The following ANGPT2 variants were observed in gnomAD, a reference collection of about 807,000 sequenced individuals.
ANGPT2 encodes angiopoietin 2.
In ANGPT2, 28 loss-of-function variants were observed where a neutral mutation model predicts 62.9. That is an observed-to-expected ratio of 0.44 (90% CI 0.33 to 0.61). ANGPT2 has a LOEUF of 0.61. Ranked by LOEUF, ANGPT2 falls within the 20% of genes least tolerant of loss-of-function variation. The pLI, the probability that ANGPT2 is intolerant of heterozygous loss-of-function variation, is 0.03. For missense variants in ANGPT2, 727 were observed against 594.9 expected (o/e 1.22, Z -2.31); for synonymous variants, 284 against 207.8 (o/e 1.37, Z -3.15).
chr8:6,552,688 T>C (rs1823864400), intron 1 of ANGPT2, among the ~76,000 whole-genome samples: 1 of 152,196 alleles, frequency 6.6e-6, no homozygotes, highest in African/African-American at 2.4e-5. Flanking sequence ...TTGAAACACA[T>C]AATAACCCTA....
At chr8:6,515,700 A>C (rs1241329672) in intron 5 of ANGPT2, among the ~76,000 whole-genome samples, 3 of 152,208 alleles carry the variant, frequency 2.0e-5, no homozygotes, top group African/African-American at 7.2e-5. Flanking sequence ...AAGTAAGATA[A>C]ATTTTCTGCC....
rs943970289 is a variant in ANGPT2, at chr8:6,532,594, C to T, written c.289-107G>A. 2.4e-5 allele frequency: 17 copies of T among 703,484 alleles called. No individual in the cohort carries two copies. In the African/African-American group the frequency reaches 3.1e-4, roughly 13 times the overall value. The allele number at this position is 703,484 out of a possible 1,614,324, so 43.6% of individuals were successfully genotyped here. ...ATCTTTAAAAAAAAAAAAAAAAAAT[C>T]TATCAAAAGACTTGTACCTTGCCTT... On this transcript the variant is annotated intron_variant, in intron 1 of 8. Coordinates refer to ENST00000629816, the MANE Select transcript of ANGPT2 (RefSeq NM_001118887.2).
chr8:6,543,309 TG>T (rs1166207757), intron 1 of ANGPT2, among the ~76,000 whole-genome samples: 1 of 152,198 alleles, frequency 6.6e-6, no homozygotes, highest in East Asian at 1.9e-4. Context: ...TCCGCAAATG[TG>T]TTTGTACAGT....
intron 1 of ANGPT2, 48 bp downstream of exon 1, chr8:6,562,599 G>GCT: frequency 1.7e-6 from 1 of 575,224 alleles, no homozygotes; most frequent in Non-Finnish European, 2.4e-6. Context: ...CTGCTGCCAA[G>GCT]CTGATCTTAA....
intron 1 of ANGPT2, among the ~76,000 whole-genome samples, chr8:6,541,932 C>G (rs1344994777): frequency 6.7e-6 from 1 of 150,304 alleles, no homozygotes; most frequent in East Asian, 1.9e-4. Context: ...TGCTTGAGCC[C>G]AGGAGGTTGA....
intron 7 of ANGPT2, among the ~76,000 whole-genome samples, chr8:6,513,388 C>T (rs1274346029): frequency 1.3e-5 from 2 of 150,188 alleles, no homozygotes; most frequent in East Asian, 2.0e-4. Flanking sequence ...GTTGCAGTGC[C>T]GTGGCACGAT....
At chr8:6,545,410 G>A (rs2959822) in intron 1 of ANGPT2, among the ~76,000 whole-genome samples, 7,681 of 152,264 alleles carry the variant, frequency 0.05, 341 homozygotes, top group East Asian at 0.18. Context: ...GACAAGTTTT[G>A]TTGTGACACT....
intron 4 of ANGPT2, 87 bp downstream of exon 4, chr8:6,521,091 T>C: frequency 9.8e-7 from 1 of 1,019,748 alleles, no homozygotes; most frequent in Non-Finnish European, 1.4e-6. Context: ...TAGCGCCTTT[T>C]CTGAAAGGTG....
intron 5 of ANGPT2, 50 bp from the exon 6 acceptor site, chr8:6,514,828 C>T (rs775621159): frequency 7.9e-6 from 12 of 1,514,442 alleles, no homozygotes; most frequent in Admixed American, 3.4e-5. Flanking sequence ...CCACTCCCCC[C>T]TTACGTAGCA....
In ANGPT2 at chr8:6,525,121, G is replaced by T. The variant is rs142974045; in HGVS notation, c.566+2434C>A. Reference sequence around the variant, plus strand: ...TAACATTTTCTGACTCTTTAACCCTGCAAACAATATTAACCAGCCAAGGAA... The same window carrying T: ...TAACATTTTCTGACTCTTTAACCCTTCAAACAATATTAACCAGCCAAGGAA... On this transcript the variant is annotated intron_variant, in intron 3 of 8. Coordinates refer to ENST00000629816, the MANE Select transcript of ANGPT2 (RefSeq NM_001118887.2). Among the ~76,000 whole-genome samples, 39 of 152,258 alleles carry T rather than the reference G, an allele frequency of 2.6e-4. No homozygotes were observed. The East Asian group carries it at 6.9e-3, about 27-fold the overall frequency.
At chr8:6,541,184 G>C (rs962282388) in intron 1 of ANGPT2, among the ~76,000 whole-genome samples, 2 of 152,230 alleles carry the variant, frequency 1.3e-5, no homozygotes, top group East Asian at 1.9e-4. Context: ...AGCAGCACAA[G>C]AGGGTGAATT....
chr8:6,551,436 G>T (rs555026381), intron 1 of ANGPT2, among the ~76,000 whole-genome samples: 10 of 152,200 alleles, frequency 6.6e-5, no homozygotes, highest in Admixed American at 5.2e-4. Flanking sequence ...GAAAAAACAT[G>T]CATGGATTTA....
chr8:6,509,171 C>T (rs546267345), intron 7 of ANGPT2, 109 bp from the exon 8 acceptor site: 34 of 1,369,210 alleles, frequency 2.5e-5, no homozygotes, highest in Admixed American at 6.6e-5. Flanking sequence ...GTTCTGTACT[C>T]GTTAATGGAC....
intron 4 of ANGPT2, among the ~76,000 whole-genome samples, chr8:6,520,336 G>C (rs1272572843): frequency 6.6e-6 from 1 of 152,142 alleles, no homozygotes; most frequent in African/African-American, 2.4e-5. Context: ...GAGCAGAATA[G>C]GGTAAACTTA....
chr8:6,521,926 G>C (rs112095388), intron 3 of ANGPT2, among the ~76,000 whole-genome samples: 2 of 152,192 alleles, frequency 1.3e-5, no homozygotes, highest in Non-Finnish European at 2.9e-5. Context: ...ACTTCTCCCA[G>C]ACTCAAGTAC....
At chr8:6,513,652 C>G in intron 7 of ANGPT2, 26 bp downstream of exon 7, 1 of 1,583,342 alleles carries the variant, frequency 6.3e-7, no homozygotes, top group Admixed American at 1.8e-5. Context: ...TTAATTTTTT[C>G]TTTCAATTAC....
intron 1 of ANGPT2, among the ~76,000 whole-genome samples, chr8:6,533,958 GT>G (rs1441768026): frequency 6.6e-6 from 1 of 152,134 alleles, no homozygotes; most frequent in Non-Finnish European, 1.5e-5. Context: ...GTATCAGATG[GT>G]TTTAGGATTA....
intron 1 of ANGPT2, among the ~76,000 whole-genome samples, chr8:6,560,519 C>T (rs1187819991): frequency 2.0e-5 from 3 of 152,114 alleles, no homozygotes; most frequent in South Asian, 2.1e-4. Flanking sequence ...AGCCGTAAAC[C>T]GAGCGAGAGT....
intron 1 of ANGPT2, among the ~76,000 whole-genome samples, chr8:6,559,787 C>A (rs1169062108): frequency 1.3e-5 from 2 of 152,158 alleles, no homozygotes; most frequent in Non-Finnish European, 2.9e-5. Flanking sequence ...ACACTAGTTG[C>A]AGGATTAGCA....
Sources: allele counts gnomAD v4.1 joint callset (sites outside exome capture counted in the v4.1 genomes callset), GRCh38; gene constraint gnomAD v4.1.1; transcripts MANE v1.5; gene names NCBI Gene and HGNC (gene_info 2026-07-23, HGNC 2026-07-21).